Variants in COL25A1 observed in about 807,000 individuals in gnomAD.
The protein encoded by COL25A1 is collagen alpha-1(XXV) chain.
COL25A1 carries 103 observed loss-of-function variants against 128.4 expected under a neutral mutation model. The ratio of observed to expected loss-of-function variants is 0.80; its 90% CI spans 0.68 to 0.94. The LOEUF (loss-of-function observed/expected upper bound fraction) is 0.94. Ranked by LOEUF, COL25A1 falls within the 40% of genes least tolerant of loss-of-function variation. COL25A1 has a pLI of 0.00. For synonymous variants in COL25A1, 279 were observed against 277.2 expected, an observed-to-expected ratio of 1.01 and a Z score of -0.06; for missense variants, 745 against 840.0, an observed-to-expected ratio of 0.89 and a Z score of 1.40.
At chr4:108,991,250 A>G (rs1754200938) in intron 6 of COL25A1, among the ~76,000 whole-genome samples, 1 of 152,200 alleles carries the variant, frequency 6.6e-6, no homozygotes, top group Admixed American at 6.5e-5. Flanking sequence ...AGCATAAAGT[A>G]GGCAATAGAA....
At chr4:109,048,087 A>C (rs1486911661) in intron 5 of COL25A1, 81 bp downstream of exon 5, 1 of 1,420,874 alleles carries the variant, frequency 7.0e-7, no homozygotes, top group Non-Finnish European at 9.9e-7. Context: ...CATAGAGACT[A>C]TATTTTGGTG....
chr4:108,839,431 G>T (rs889831635), intron 31 of COL25A1, among the ~76,000 whole-genome samples: 3 of 152,190 alleles, frequency 2.0e-5, no homozygotes, highest in Admixed American at 1.3e-4. Flanking sequence ...AAATGTGTTG[G>T]TGTTGGTAAG....
intron 13 of COL25A1, among the ~76,000 whole-genome samples, chr4:108,912,994 A>G (rs1249163108): frequency 6.6e-6 from 1 of 152,030 alleles, no homozygotes; most frequent in African/African-American, 2.4e-5. Flanking sequence ...TTTTAAATTT[A>G]TGTTATATTT....
chr4:108,941,712 G>A (rs1391122557), intron 8 of COL25A1, among the ~76,000 whole-genome samples: 3 of 152,122 alleles, frequency 2.0e-5, no homozygotes, highest in Non-Finnish European at 4.4e-5. Flanking sequence ...CCTTTTTAAT[G>A]TAGTTTATTC....
intron 3 of COL25A1, among the ~76,000 whole-genome samples, chr4:109,268,839 C>T (rs1472645804): frequency 4.6e-5 from 7 of 152,292 alleles, no homozygotes; most frequent in Admixed American, 3.9e-4. Flanking sequence ...AAGGAGATCA[C>T]TTTCTCAACC....
intron 3 of COL25A1, among the ~76,000 whole-genome samples, chr4:109,192,886 G>A (rs946231733): frequency 2.6e-5 from 4 of 151,776 alleles, no homozygotes; most frequent in Non-Finnish European, 4.4e-5. Flanking sequence ...AGGGAAGGTG[G>A]ACACAGACAC....
intron 3 of COL25A1, among the ~76,000 whole-genome samples, chr4:109,169,089 T>C (rs1348821274): frequency 1.3e-5 from 2 of 152,180 alleles, no homozygotes; most frequent in African/African-American, 2.4e-5. Flanking sequence ...TTTTAATTCT[T>C]TAACTTGGTA....
chr4:108,977,808 A>T (rs1472989530), intron 6 of COL25A1, among the ~76,000 whole-genome samples: 3 of 152,008 alleles, frequency 2.0e-5, no homozygotes, highest in African/African-American at 7.2e-5. Flanking sequence ...AGAAAAAACG[A>T]CCTCTACAAA....
chr4:108,831,494 A>G (rs926488312), intron 32 of COL25A1, among the ~76,000 whole-genome samples: 1 of 152,174 alleles, frequency 6.6e-6, no homozygotes, highest in Non-Finnish European at 1.5e-5. Flanking sequence ...TCTAGTTTTT[A>G]AAAGACCACA....
At chr4:109,108,483 A>G (rs1487152591) in intron 3 of COL25A1, among the ~76,000 whole-genome samples, 2 of 152,050 alleles carry the variant, frequency 1.3e-5, no homozygotes, top group African/African-American at 4.8e-5. Flanking sequence ...TAGTGCTGCA[A>G]TAAACATACG....
chr4:109,198,340 C>T lies in COL25A1; in HGVS notation c.367+102243G>A, dbSNP rs79487627. Among the ~76,000 whole-genome samples the T allele has an allele frequency of 9.4e-3, 1,277 of 136,168 alleles. 58 individuals are homozygous for T. The South Asian group carries it at 0.15, about 16-fold the overall frequency. 89.3% of individuals were successfully genotyped at this position (136,168 alleles called of 152,430 possible). On this transcript the variant is annotated intron_variant, in intron 3 of 37. Coordinates refer to ENST00000399132, the MANE Select transcript of COL25A1 (RefSeq NM_198721.4). The stretch of plus-strand genomic sequence containing the variant: ...CACACACACACACACTGATATGTAG[C>T]TATTAATGCTATGCATTAATCAAGA...
intron 11 of COL25A1, among the ~76,000 whole-genome samples, chr4:108,933,168 A>G (rs2125917166): frequency 6.6e-6 from 1 of 152,152 alleles, no homozygotes; most frequent in East Asian, 1.9e-4. Flanking sequence ...CTAATTCCCT[A>G]CCTGAGACAC....
intron 11 of COL25A1, among the ~76,000 whole-genome samples, chr4:108,927,700 T>C (rs755908870): frequency 1.3e-5 from 2 of 152,236 alleles, no homozygotes; most frequent in African/African-American, 2.4e-5. Flanking sequence ...TTTTGACTTC[T>C]CTATCTCATG....
chr4:109,050,309 T>C, intron 3 of COL25A1, 130 bp from the exon 4 acceptor site: 1 of 658,472 alleles, frequency 1.5e-6, no homozygotes, highest in South Asian at 2.3e-5. Context: ...GATCAGATAT[T>C]TGTAAAGGTC....
At chr4:108,965,942 C>T (rs962781960) in intron 8 of COL25A1, among the ~76,000 whole-genome samples, 4 of 152,124 alleles carry the variant, frequency 2.6e-5, no homozygotes, top group African/African-American at 7.2e-5. Context: ...CCTGAAGAAA[C>T]AATTACTAAT....
intron 3 of COL25A1, among the ~76,000 whole-genome samples, chr4:109,237,950 A>G (rs1167883820): frequency 6.6e-6 from 1 of 152,102 alleles, no homozygotes; most frequent in African/African-American, 2.4e-5. Flanking sequence ...TTCACTTAAC[A>G]TAGTATCTTC....
chr4:109,230,045 C>G, intron 3 of COL25A1, among the ~76,000 whole-genome samples: 1 of 152,034 alleles, frequency 6.6e-6, no homozygotes, highest in Non-Finnish European at 1.5e-5. Flanking sequence ...TTTAAACAAC[C>G]ATACTTCGTG....
chr4:109,071,135 T>C (rs1173451275), intron 3 of COL25A1, among the ~76,000 whole-genome samples: 4 of 151,928 alleles, frequency 2.6e-5, no homozygotes, highest in Admixed American at 2.6e-4. Flanking sequence ...CCCTCAGAAA[T>C]AATACCACAC....
intron 31 of COL25A1, chr4:108,834,345 A>G (rs919320971): frequency 1.3e-6 from 2 of 1,550,346 alleles, no homozygotes; most frequent in African/African-American, 1.4e-5. Context: ...AAGACAAGGG[A>G]CTGACTCACC....
Sources: allele counts gnomAD v4.1 joint callset (sites outside exome capture counted in the v4.1 genomes callset), GRCh38; gene constraint gnomAD v4.1.1; transcripts MANE v1.5; gene names NCBI Gene and HGNC (gene_info 2026-07-23, HGNC 2026-07-21).